The following ATP9B variants were observed in gnomAD, a reference collection of about 807,000 sequenced individuals.
ATP9B encodes ATPase phospholipid transporting 9B.
In ATP9B, 110 loss-of-function variants were observed where a neutral mutation model predicts 146.1. That is an observed-to-expected ratio of 0.75 (90% CI 0.65 to 0.88). ATP9B has a LOEUF of 0.88. Among genes scored for constraint, ATP9B ranks in the 40% least tolerant of loss-of-function variants. ATP9B has a pLI of 0.00. For missense variants in ATP9B, 1,499 were observed against 1,496.4 expected, an observed-to-expected ratio of 1.00 and a Z score of -0.03; for synonymous variants, 604 against 569.7, an observed-to-expected ratio of 1.06 and a Z score of -0.86.
chr18:79,172,828 A>G (rs2095099929), intron 7 of ATP9B, among the ~76,000 whole-genome samples: 1 of 152,258 alleles, frequency 6.6e-6, no homozygotes, highest in African/African-American at 2.4e-5. Flanking sequence ...TGTTATAAAT[A>G]AAACTGCTTT....
At chr18:79,235,864 G>C (rs767934597) in intron 11 of ATP9B, among the ~76,000 whole-genome samples, 140 of 152,160 alleles carry the variant, frequency 9.2e-4, no homozygotes, top group Non-Finnish European at 2.6e-4. Flanking sequence ...TGTTATATGA[G>C]GAAGCCATAA....
intron 15 of ATP9B, 184 bp downstream of exon 15, chr18:79,307,418 G>A: frequency 1.3e-5 from 11 of 867,912 alleles, no homozygotes; most frequent in Non-Finnish European, 1.9e-5. Flanking sequence ...CGTAGCCTGG[G>A]CCTTGCACAT....
Position 79,096,660 on chromosome 18 carries a change from C to T in ATP9B, c.293+11C>T. ...GTTCCTCTGTACCAGGTTTGTTATCCATTGCTACCTAATTTCCTTATATGC... is the reference window on the plus strand; with the variant it reads ...GTTCCTCTGTACCAGGTTTGTTATCTATTGCTACCTAATTTCCTTATATGC... On this transcript the variant is annotated intron_variant, in intron 2 of 29. Transcript: ENST00000426216. The T allele has an allele frequency of 6.3e-7, 1 of 1,599,366 alleles. No homozygotes were observed. Among genetic ancestry groups the T allele is most frequent in the Non-Finnish European group, 8.5e-7 (1 of 1,173,366 alleles).
At chr18:79,287,533 G>A (rs1245233931) in intron 13 of ATP9B, among the ~76,000 whole-genome samples, 1 of 151,940 alleles carries the variant, frequency 6.6e-6, no homozygotes, top group Admixed American at 6.6e-5. Context: ...CTTGCTAGCG[G>A]TCTATCAATT....
At chr18:79,194,492 G>A (rs1284789222) in intron 9 of ATP9B, 3 of 152,250 alleles carry the variant, frequency 2.0e-5, no homozygotes, top group Non-Finnish European at 4.4e-5. Context: ...TCAGTCTGCA[G>A]GTGTGACAAG....
At chr18:79,359,162 G>A (rs558755796) in intron 25 of ATP9B, among the ~76,000 whole-genome samples, 192 bp from the exon 26 acceptor site, 1 of 152,254 alleles carries the variant, frequency 6.6e-6, no homozygotes, top group South Asian at 2.1e-4. Flanking sequence ...GTGACTTATA[G>A]AACATGCTAC....
Position 79,291,517 on chromosome 18 carries a change from G to A in ATP9B, c.1412-12087G>A, listed in dbSNP as rs375968689. ...AGTTATGAAATTAAAAAATCATCGAGATTTAAAAAATATTTTTGGGCTTCA... is the reference window on the plus strand; with the variant it reads ...AGTTATGAAATTAAAAAATCATCGAAATTTAAAAAATATTTTTGGGCTTCA... On this transcript the variant is annotated intron_variant, in intron 13 of 29. Transcript: ENST00000426216. Among the ~76,000 whole-genome samples the A allele has an allele frequency of 2.4e-3, 364 of 152,288 alleles. 1 individual carries two copies. Among genetic ancestry groups the A allele is most frequent in the South Asian group, 6.4e-3 (31 of 4,818 alleles).
At chr18:79,328,767 G>C (rs75518619) in intron 15 of ATP9B, among the ~76,000 whole-genome samples, 3,413 of 152,272 alleles carry the variant, frequency 0.022, 133 homozygotes, top group African/African-American at 0.077. Flanking sequence ...TGGAACTGGG[G>C]AGGGAGAAAC....
chr18:79,315,410 A>G (rs2096673829), intron 15 of ATP9B, among the ~76,000 whole-genome samples: 1 of 152,230 alleles, frequency 6.6e-6, no homozygotes, highest in South Asian at 2.1e-4. Flanking sequence ...AATATTGATT[A>G]GCAGCTTTTT....
At chr18:79,130,119 A>G (rs1942307) in intron 5 of ATP9B, among the ~76,000 whole-genome samples, 38,045 of 152,186 alleles carry the variant, frequency 0.25, 5,096 homozygotes, top group East Asian at 0.5. Flanking sequence ...AGAAGGTAAT[A>G]GTAACTGCCC....
intron 11 of ATP9B, among the ~76,000 whole-genome samples, chr18:79,222,609 T>C (rs1326084926): frequency 6.6e-6 from 1 of 152,172 alleles, no homozygotes; most frequent in African/African-American, 2.4e-5. Flanking sequence ...GAATAAATCC[T>C]TCCATTTTGT....
intron 15 of ATP9B, among the ~76,000 whole-genome samples, chr18:79,319,091 G>A (rs1371658502): frequency 6.6e-6 from 1 of 152,184 alleles, no homozygotes; most frequent in Non-Finnish European, 1.5e-5. Flanking sequence ...ACACCTGGTT[G>A]TGCCTTCACT....
intron 13 of ATP9B, among the ~76,000 whole-genome samples, chr18:79,278,666 G>A (rs1336830423): frequency 6.6e-6 from 1 of 152,082 alleles, no homozygotes; most frequent in Non-Finnish European, 1.5e-5. Flanking sequence ...ATTTGTGTTT[G>A]AGTTCCATTA....
chr18:79,260,645 T>C (rs2096130736), intron 12 of ATP9B, among the ~76,000 whole-genome samples: 1 of 152,162 alleles, frequency 6.6e-6, no homozygotes, highest in African/African-American at 2.4e-5. Flanking sequence ...CAGGATGAGA[T>C]GAGAGAAGCC....
Position 79,277,087 on chromosome 18 carries a change from G to A in ATP9B, c.1302G>A (p.Val434=), listed in dbSNP as rs148140315. ...LRVNLDMGKA[V]YGWMMMKDEN... is the part of the protein sequence containing the mutation. ...TGAACTTGGACATGGGCAAAGCGGT[G>A]TATGGATGGATGATGATGAAAGATG... Residue 434 remains valine, a synonymous_variant, in exon 13 of 30, where the codon GTG becomes GTA. Coordinates refer to ENST00000426216, the MANE Select transcript of ATP9B (RefSeq NM_198531.5). 5.0e-5 allele frequency: 81 copies of A among 1,614,088 alleles called. No individual in the cohort carries two copies. The highest frequency in any genetic ancestry group is 6.5e-5 in the Non-Finnish European group (77 of 1,180,044).
chr18:79,298,775 G>A (rs2096570147), intron 13 of ATP9B, among the ~76,000 whole-genome samples: 2 of 146,228 alleles, frequency 1.4e-5, no homozygotes, highest in Non-Finnish European at 3.0e-5. Context: ...AGAGGATATG[G>A]GAACAGAACA....
intron 4 of ATP9B, among the ~76,000 whole-genome samples, chr18:79,116,940 T>C (rs866180558): frequency 9.4e-6 from 1 of 106,802 alleles, no homozygotes; most frequent in Non-Finnish European, 1.9e-5. Flanking sequence ...AAAAAAAAAT[T>C]AAAAAAAAAA....
intron 7 of ATP9B, among the ~76,000 whole-genome samples, chr18:79,166,787 A>G (rs541791057): frequency 6.6e-6 from 1 of 152,286 alleles, no homozygotes; most frequent in East Asian, 1.9e-4. Context: ...AGTTTTGCTT[A>G]GGCCTGCTGG....
At chr18:79,280,689 GC>G (rs1176933557) in intron 13 of ATP9B, among the ~76,000 whole-genome samples, 2 of 152,062 alleles carry the variant, frequency 1.3e-5, no homozygotes, top group African/African-American at 4.8e-5. Flanking sequence ...AAACACATGT[GC>G]TTATCAGACA....
Sources: gnomAD v4.1 joint callset for allele counts (sites outside exome capture counted in the v4.1 genomes callset) on GRCh38, gnomAD v4.1.1 for gene constraint, MANE v1.5 for transcripts, NCBI Gene and HGNC (gene_info 2026-07-23, HGNC 2026-07-21) for gene names.